MGAT4C: variants seen among roughly 807,000 people sequenced by gnomAD.
MGAT4C encodes the protein MGAT4 family member C.
A neutral mutation model predicts 40.1 loss-of-function variants in MGAT4C; 19 were observed. That is an observed-to-expected ratio of 0.47 (90% CI 0.33 to 0.70). The LOEUF (loss-of-function observed/expected upper bound fraction) is 0.70. Among genes scored for constraint, MGAT4C ranks in the 30% least tolerant of loss-of-function variants. The pLI is 0.02. For synonymous variants in MGAT4C, 181 were observed against 187.1 expected, an observed-to-expected ratio of 0.97 and a Z score of 0.27; for missense variants, 491 against 563.2, an observed-to-expected ratio of 0.87 and a Z score of 1.30.
intron 1 of MGAT4C, among the ~76,000 whole-genome samples, chr12:86,080,228 G>A (rs1870574286): frequency 6.6e-6 from 1 of 151,904 alleles, no homozygotes; most frequent in South Asian, 2.1e-4. Context: ...TCTGGCTTTA[G>A]TTATAGAGAT....
intron 2 of MGAT4C, chr12:86,001,694 G>C (rs566072302): frequency 1.1e-6 from 1 of 917,770 alleles, no homozygotes; most frequent in African/African-American, 1.8e-5. Context: ...CTGTTAGGAA[G>C]GTACTGGCTG....
At chr12:86,799,480 TC>T (rs1952187199) in intron 1 of MGAT4C, among the ~76,000 whole-genome samples, 1 of 151,882 alleles carries the variant, frequency 6.6e-6, no homozygotes, top group Non-Finnish European at 1.5e-5. Context: ...ACTTTCTATC[TC>T]ACAGCTGTTC....
At chr12:86,571,767 A>G (rs1592999026) in intron 2 of MGAT4C, among the ~76,000 whole-genome samples, 1 of 152,260 alleles carries the variant, frequency 6.6e-6, no homozygotes, top group East Asian at 1.9e-4. Context: ...AAACTCAAAG[A>G]CAATCCCCAC....
intron 2 of MGAT4C, among the ~76,000 whole-genome samples, chr12:86,520,852 G>A (rs572074887): frequency 6.6e-6 from 1 of 151,986 alleles, no homozygotes; most frequent in African/African-American, 2.4e-5. Context: ...TTTTTCACAT[G>A]CTTGTTTGCT....
At chr12:86,831,087 C>A (rs1176847893) in intron 1 of MGAT4C, among the ~76,000 whole-genome samples, 1 of 151,754 alleles carries the variant, frequency 6.6e-6, no homozygotes, top group East Asian at 1.9e-4. Context: ...CCACCCCCTG[C>A]CGACCCCCAT....
intron 4 of MGAT4C, among the ~76,000 whole-genome samples, chr12:86,285,733 A>T (rs1201956161): frequency 6.6e-6 from 1 of 151,992 alleles, no homozygotes; most frequent in Non-Finnish European, 1.5e-5. Context: ...TCTGTGTAAG[A>T]TACTTTTTAC....
intron 2 of MGAT4C, among the ~76,000 whole-genome samples, chr12:86,640,499 C>G (rs1410409252): frequency 1.3e-5 from 2 of 151,756 alleles, no homozygotes; most frequent in African/African-American, 2.4e-5. Flanking sequence ...CTCTTTTCTT[C>G]TTTATTAGTC....
intron 1 of MGAT4C, among the ~76,000 whole-genome samples, chr12:86,124,174 A>G (rs1050220183): frequency 6.6e-6 from 1 of 152,150 alleles, no homozygotes; most frequent in African/African-American, 2.4e-5. Flanking sequence ...ATTACATGCA[A>G]TCTTACTACA....
At chr12:86,323,875 G>A (rs921182144) in intron 4 of MGAT4C, among the ~76,000 whole-genome samples, 1 of 151,820 alleles carries the variant, frequency 6.6e-6, no homozygotes, top group Admixed American at 6.6e-5. Context: ...TAGCCTAAAT[G>A]AGGCAATATT....
At position 85,964,620 on chromosome 12, in the gene MGAT4C, C is replaced by T. The variant is rs1273627888; in HGVS notation, c.*14669G>A. 1 of 152,148 alleles carries T rather than the reference C, an allele frequency of 6.6e-6. No homozygotes were observed. The highest frequency in any genetic ancestry group is 1.5e-5 in the Non-Finnish European group (1 of 68,026). 9.4% of individuals were successfully genotyped at this position (152,148 alleles called of 1,614,324 possible). A position where few individuals can be genotyped will look rare whatever the true frequency, so the allele number is the denominator to read the frequency against. On this transcript the variant is annotated 3_prime_UTR_variant, in exon 5 of 5. Transcript: ENST00000611864. ...AGGAAGGTAAGATACTCTTATCCTA[C>T]ATATACGCCAGAAAAATTGCTTCTC...
At chr12:86,225,935 C>G (rs1398630456) in intron 1 of MGAT4C, among the ~76,000 whole-genome samples, 2 of 151,764 alleles carry the variant, frequency 1.3e-5, no homozygotes, top group African/African-American at 4.8e-5. Context: ...AGTGGAAGTC[C>G]TAGCCAAAGC....
chr12:86,808,709 A>C (rs768886631), intron 1 of MGAT4C, among the ~76,000 whole-genome samples: 5 of 152,016 alleles, frequency 3.3e-5, no homozygotes, highest in Non-Finnish European at 7.4e-5. Context: ...CCTCCTGAAA[A>C]CTAGCAATAG....
At chr12:86,316,070 T>A (rs376540147) in intron 4 of MGAT4C, among the ~76,000 whole-genome samples, 3 of 5,732 alleles carry the variant, frequency 5.2e-4, no homozygotes, top group South Asian at 3.8e-3. Context: ...AAAGAATAAA[T>A]ACAAGCAGCA....
At chr12:86,329,660 T>C (rs1478211366) in intron 4 of MGAT4C, among the ~76,000 whole-genome samples, 2 of 152,192 alleles carry the variant, frequency 1.3e-5, no homozygotes, top group Non-Finnish European at 2.9e-5. Context: ...CTCATTCGTC[T>C]TAATACTATA....
chr12:86,159,885 C>T (rs920691508), intron 1 of MGAT4C, among the ~76,000 whole-genome samples: 3 of 151,976 alleles, frequency 2.0e-5, no homozygotes, highest in African/African-American at 4.8e-5. Context: ...GTTATAATAT[C>T]ACCTTTGTCA....
chr12:86,064,308 A>C (rs757610722), intron 1 of MGAT4C, among the ~76,000 whole-genome samples: 22 of 152,184 alleles, frequency 1.4e-4, no homozygotes, highest in Non-Finnish European at 1.9e-4. Context: ...TGAACCTGGG[A>C]GGTGGAACTT....
intron 3 of MGAT4C, among the ~76,000 whole-genome samples, chr12:86,407,125 T>C (rs926973913): frequency 2.0e-5 from 3 of 152,128 alleles, no homozygotes; most frequent in African/African-American, 7.2e-5. Context: ...ATATAAAAGA[T>C]TTTATAAAGA....
At chr12:86,206,070 A>G (rs1387892477) in intron 1 of MGAT4C, among the ~76,000 whole-genome samples, 1 of 152,100 alleles carries the variant, frequency 6.6e-6, no homozygotes, top group African/African-American at 2.4e-5. Context: ...CCAATGTGCT[A>G]TGGAATGAAT....
At chr12:86,409,528 C>G (rs1024982489) in intron 3 of MGAT4C, among the ~76,000 whole-genome samples, 1 of 152,094 alleles carries the variant, frequency 6.6e-6, no homozygotes, top group African/African-American at 2.4e-5. Context: ...AAAGTTTGCA[C>G]AAAAGACATC....
Sources: allele counts gnomAD v4.1 joint callset (sites outside exome capture counted in the v4.1 genomes callset), GRCh38; gene constraint gnomAD v4.1.1; transcripts MANE v1.5; gene names NCBI Gene and HGNC (gene_info 2026-07-23, HGNC 2026-07-21).